The following SOX5 variants were observed in gnomAD, a reference collection of about 807,000 sequenced individuals.
SOX5 encodes the protein transcription factor SOX-5.
In SOX5, 9 loss-of-function variants were observed where a neutral mutation model predicts 92.0. The observed-to-expected ratio is 0.10, with a 90% CI of 0.06 to 0.17. The LOEUF (loss-of-function observed/expected upper bound fraction) is 0.17. SOX5 is among the 10% of genes least tolerant of loss of function. The pLI is 1.00. For missense variants in SOX5, 642 were observed against 944.5 expected (o/e 0.68, Z 4.20); for synonymous variants, 344 against 336.3 (o/e 1.02, Z -0.25).
chr12:23,781,261 AT>A (rs764095741), intron 3 of SOX5, among the ~76,000 whole-genome samples: 1,464 of 144,428 alleles, frequency 0.01, 6 homozygotes, highest in African/African-American at 0.021. Flanking sequence ...CCATGGAGGA[AT>A]TTTTTTTTTT....
chr12:23,725,777 A>C (rs573084181), intron 6 of SOX5, among the ~76,000 whole-genome samples: 6 of 152,314 alleles, frequency 3.9e-5, no homozygotes, highest in Admixed American at 6.5e-5. Context: ...ATGGGCAGAC[A>C]ATCTACCAAA....
At chr12:24,125,691 C>T (rs1417321052) in intron 4 of SOX5, among the ~76,000 whole-genome samples, 8 of 152,152 alleles carry the variant, frequency 5.3e-5, no homozygotes, top group African/African-American at 1.9e-4. Context: ...TCTCCATTTC[C>T]TTCCTTCAGC....
chr12:23,739,255 G>A (rs543697040), intron 5 of SOX5, among the ~76,000 whole-genome samples: 1 of 152,276 alleles, frequency 6.6e-6, no homozygotes, highest in East Asian at 1.9e-4. Flanking sequence ...ATACTTATCT[G>A]TAAGCTGAAA....
At chr12:24,224,700 C>T (rs1045689517) in intron 3 of SOX5, among the ~76,000 whole-genome samples, 15 of 152,034 alleles carry the variant, frequency 9.9e-5, no homozygotes, top group African/African-American at 2.9e-4. Context: ...TCAGATCTTG[C>T]CTTCTTTGGC....
chr12:23,816,454 C>A (rs1293776111), intron 3 of SOX5, among the ~76,000 whole-genome samples: 2 of 151,982 alleles, frequency 1.3e-5, no homozygotes, highest in Admixed American at 1.3e-4. Flanking sequence ...TCATGATCTG[C>A]CTGCCTCAGC....
In SOX5 at chr12:23,895,789, C is replaced by T. The variant is rs2097171069; in HGVS notation, c.270+4G>A. 6.3e-7 allele frequency: 1 copy of T among 1,598,360 alleles called. No homozygotes were observed. The highest frequency in any genetic ancestry group is 8.6e-7 in the Non-Finnish European group (1 of 1,165,748). On this transcript the variant is annotated splice_donor_region_variant and intron_variant, in intron 2 of 14. Transcript: ENST00000451604. The stretch of plus-strand genomic sequence containing the variant: ...GTAGGCACAATAAACCATGAGAAAC[C>T]TACCATTGTATTGTGCTGAGAAGTG...
intron 1 of SOX5, among the ~76,000 whole-genome samples, chr12:24,484,801 A>G (rs765372061): frequency 6.6e-5 from 10 of 152,222 alleles, no homozygotes; most frequent in Non-Finnish European, 1.5e-4. Context: ...ATTAACTTAT[A>G]TTCTTCTCAA....
At chr12:23,568,090 A>C (rs1396249543) in intron 10 of SOX5, among the ~76,000 whole-genome samples, 1 of 152,328 alleles carries the variant, frequency 6.6e-6, no homozygotes, top group African/African-American at 2.4e-5. Flanking sequence ...AAGGATCTCA[A>C]GGTGAGATCA....
intron 4 of SOX5, among the ~76,000 whole-genome samples, chr12:23,961,256 T>C (rs185875723): frequency 1.3e-4 from 20 of 152,302 alleles, no homozygotes; most frequent in Admixed American, 3.3e-4. Flanking sequence ...AAACACCCTA[T>C]TGAATATACT....
At chr12:24,267,535 ATGAC>A (rs1404424653) in intron 3 of SOX5, among the ~76,000 whole-genome samples, 2 of 152,182 alleles carry the variant, frequency 1.3e-5, no homozygotes, top group African/African-American at 4.8e-5. Context: ...TTTACAGAAT[ATGAC>A]TGTGAGCAAC....
At chr12:24,029,645 G>T (rs557035653) in intron 4 of SOX5, among the ~76,000 whole-genome samples, 3 of 151,820 alleles carry the variant, frequency 2.0e-5, no homozygotes, top group Non-Finnish European at 2.9e-5. Flanking sequence ...GTTTAACTGC[G>T]TTGAGCTCCT....
intron 1 of SOX5, among the ~76,000 whole-genome samples, chr12:24,532,541 G>A (rs1951289475): frequency 6.6e-6 from 1 of 152,152 alleles, no homozygotes; most frequent in Admixed American, 6.5e-5. Context: ...CCTGAAAGGG[G>A]GAGACAAGAC....
rs958184278 is a variant in SOX5 at position 24,097,338 on chromosome 12, T to C, written c.-2+116005A>G. 3.3e-5 allele frequency among the ~76,000 whole-genome samples: 5 copies of C among 152,218 alleles called. No individual in the cohort carries two copies. The East Asian group carries it at 9.6e-4, about 29-fold the overall frequency. On this transcript the variant is annotated intron_variant, in intron 4 of 4. Coordinates refer to the SOX5 transcript ENST00000446891. ...TGTGGGTTATGTTTATACTCTTTTA[T>C]AGTGTCCTTTGCAGCATAAACATTT... is the stretch of plus-strand genomic sequence containing the variant.
intron 2 of SOX5, among the ~76,000 whole-genome samples, chr12:23,879,050 C>T (rs947264738): frequency 1.3e-5 from 2 of 152,040 alleles, no homozygotes; most frequent in African/African-American, 4.8e-5. Context: ...TTACGGCTTC[C>T]TATATCAAAT....
intron 2 of SOX5, among the ~76,000 whole-genome samples, chr12:24,361,601 T>G (rs899329544): frequency 6.8e-6 from 1 of 146,424 alleles, no homozygotes; most frequent in African/African-American, 2.5e-5. Flanking sequence ...TGATGAGGCT[T>G]TTTCAGGTTT....
chr12:23,959,716 A>G (rs902622564), intron 4 of SOX5, among the ~76,000 whole-genome samples: 2 of 152,196 alleles, frequency 1.3e-5, no homozygotes, highest in African/African-American at 4.8e-5. Flanking sequence ...CAATAGTAAA[A>G]TAAGCAAGCA....
intron 9 of SOX5, among the ~76,000 whole-genome samples, chr12:23,594,802 C>T (rs977554608): frequency 4.6e-5 from 7 of 152,162 alleles, no homozygotes; most frequent in Non-Finnish European, 7.3e-5. Flanking sequence ...AGCCTTTTCT[C>T]TGAACCTTGA....
chr12:23,890,537 C>T (rs895846507), intron 2 of SOX5, among the ~76,000 whole-genome samples: 1 of 152,020 alleles, frequency 6.6e-6, no homozygotes, highest in Non-Finnish European at 1.5e-5. Flanking sequence ...TACAACCAGA[C>T]AGAAAACGGG....
At chr12:24,369,487 A>AC (rs1328118486) in intron 1 of SOX5, among the ~76,000 whole-genome samples, 2 of 152,208 alleles carry the variant, frequency 1.3e-5, no homozygotes, top group African/African-American at 2.4e-5. Flanking sequence ...CCTGGCTGGC[A>AC]ATGCTCTGTT....
Sources: gnomAD v4.1 joint callset for allele counts (sites outside exome capture counted in the v4.1 genomes callset) on GRCh38, gnomAD v4.1.1 for gene constraint, MANE v1.5 for transcripts, NCBI Gene and HGNC (gene_info 2026-07-23, HGNC 2026-07-21) for gene names.